ZSCAN5A: variants seen among roughly 807,000 people sequenced by gnomAD.
The protein encoded by ZSCAN5A is zinc finger and SCAN domain-containing protein 5A.
In ZSCAN5A, 12 loss-of-function variants were observed where a neutral mutation model predicts 23.7. The ratio of observed to expected loss-of-function variants is 0.51; its 90% CI spans 0.32 to 0.82. ZSCAN5A has a LOEUF of 0.82. ZSCAN5A is among the 40% of genes least tolerant of loss of function. The pLI, the probability that ZSCAN5A is intolerant of heterozygous loss-of-function variation, is 0.03. For missense variants in ZSCAN5A, 597 were observed against 617.9 expected (o/e 0.97, Z 0.36); for synonymous variants, 257 against 239.9 (o/e 1.07, Z -0.66).
intron 2 of ZSCAN5A, among the ~76,000 whole-genome samples, chr19:56,271,441 T>C (rs2146957281): frequency 6.6e-6 from 1 of 152,358 alleles, no homozygotes; most frequent in South Asian, 2.1e-4. Flanking sequence ...TCCACATGTT[T>C]TACGCCTTGT....
intron 2 of ZSCAN5A, among the ~76,000 whole-genome samples, chr19:56,308,486 G>C (rs1305689770): frequency 2.6e-5 from 4 of 151,826 alleles, no homozygotes; most frequent in Admixed American, 2.6e-4. Flanking sequence ...ACCACACCTG[G>C]CTAATTTTTG....
chr19:56,257,804 C>T (rs948699802), intron 2 of ZSCAN5A, among the ~76,000 whole-genome samples: 1 of 141,690 alleles, frequency 7.1e-6, no homozygotes, highest in African/African-American at 2.7e-5. Flanking sequence ...ACACCTGGCT[C>T]CTGCCTCCCA....
intron 2 of ZSCAN5A, among the ~76,000 whole-genome samples, chr19:56,257,970 ATCT>A (rs1413596500): frequency 8.7e-6 from 1 of 114,948 alleles, no homozygotes; most frequent in East Asian, 2.5e-4. Flanking sequence ...CCACTGCCCG[ATCT>A]TCTTAGACAC....
At chr19:56,229,415 C>G (rs1284739310) in intron 2 of ZSCAN5A, among the ~76,000 whole-genome samples, 2 of 152,132 alleles carry the variant, frequency 1.3e-5, no homozygotes, top group African/African-American at 4.8e-5. Context: ...TTCATTTTGC[C>G]AAGAAATTGT....
chr19:56,314,961 C>A (rs200202517), upstream of ZSCAN5A: 3 of 152,292 alleles, frequency 2.0e-5, no homozygotes, highest in East Asian at 5.8e-4. Context: ...CCTGCTCCTT[C>A]ACTCCTGCTT....
intron 2 of ZSCAN5A, among the ~76,000 whole-genome samples, chr19:56,309,598 CT>C (rs1254105508): frequency 1.3e-5 from 2 of 152,232 alleles, no homozygotes; most frequent in East Asian, 1.9e-4. Context: ...GGAAGTACCC[CT>C]GATCCATCCC....
intron 2 of ZSCAN5A, among the ~76,000 whole-genome samples, chr19:56,354,143 TA>T (rs968536714): frequency 4.6e-5 from 7 of 152,284 alleles, no homozygotes; most frequent in African/African-American, 1.7e-4. Context: ...GGGAAGAGAA[TA>T]AAAAGAGTTG....
intron 2 of ZSCAN5A, among the ~76,000 whole-genome samples, chr19:56,337,300 G>C (rs546334441): frequency 6.6e-6 from 1 of 152,312 alleles, no homozygotes; most frequent in South Asian, 2.1e-4. Context: ...CCCTCCCCCA[G>C]CCTCACTGCT....
rs142136002 is a variant in ZSCAN5A, at chr19:56,258,995, G to A, written c.-127-33822C>T. Reference sequence around the variant, plus strand: ...GCATGAGAAGAGAGAGCTGGTGGGTGGGCCCCAGCTGTTTCAGTCACCTGG... The same window carrying A: ...GCATGAGAAGAGAGAGCTGGTGGGTAGGCCCCAGCTGTTTCAGTCACCTGG... On this transcript the variant is annotated intron_variant, in intron 2 of 5. Transcript: ENST00000683990. Among the ~76,000 whole-genome samples the A allele has an allele frequency of 1.0e-3, 153 of 152,198 alleles. 1 individual carries two copies. The East Asian group carries it at 0.02, about 19-fold the overall frequency.
chr19:56,305,186 A>T (rs562646234), intron 2 of ZSCAN5A, among the ~76,000 whole-genome samples: 6 of 152,298 alleles, frequency 3.9e-5, no homozygotes, highest in African/African-American at 1.4e-4. Flanking sequence ...GGCCATCACC[A>T]CTAATCTGTT....
rs115238818 is a variant in ZSCAN5A at position 56,352,548 on chromosome 19, C to T, written c.-358+10687G>A. ...TGGGTAAATGGTGAGGAAGAATATT[C>T]AAGACAATTGCAACAGGGGAGAGAG... On this transcript the variant is annotated intron_variant, in intron 2 of 6. Coordinates refer to the ZSCAN5A transcript ENST00000587340. The surrounding 1 kb of genome is among the most constrained non-coding windows in gnomAD (Gnocchi z 4.2). Among the ~76,000 whole-genome samples the T allele has an allele frequency of 0.011, 1,750 of 152,260 alleles. 28 individuals are homozygous for T. The highest frequency in any genetic ancestry group is 0.04 in the African/African-American group (1,656 of 41,540).
chr19:56,278,155 T>G (rs2038407923), intron 2 of ZSCAN5A, among the ~76,000 whole-genome samples: 1 of 151,988 alleles, frequency 6.6e-6, no homozygotes, highest in Non-Finnish European at 1.5e-5. Context: ...GTAGTCTTGC[T>G]CTGTCGCCCA....
At chr19:56,228,714 GAC>G (rs1449627190) in intron 2 of ZSCAN5A, among the ~76,000 whole-genome samples, 3 of 152,038 alleles carry the variant, frequency 2.0e-5, no homozygotes, top group Non-Finnish European at 1.5e-5. Flanking sequence ...GAAAAAAAGA[GAC>G]AGTCTTTGTT....
At chr19:56,225,876 C>T (rs2033884822) in intron 2 of ZSCAN5A, among the ~76,000 whole-genome samples, 1 of 148,822 alleles carries the variant, frequency 6.7e-6, no homozygotes, top group South Asian at 2.2e-4. Context: ...CAGCCCCTAG[C>T]AATCACTAAT....
rs199788303 is a variant in ZSCAN5A, at chr19:56,275,980, C to T, written c.-128+37303G>A. 4.7e-4 allele frequency among the ~76,000 whole-genome samples: 71 copies of T among 152,288 alleles called. 1 individual carries two copies. Among genetic ancestry groups the T allele is most frequent in the African/African-American group, 1.6e-3 (67 of 41,556 alleles). ...GAGTGGGTCAGCTGATCTCCAGGGACACTTCTATCTCTGGTCTTCTTGGTT... is the reference window on the plus strand; with the variant it reads ...GAGTGGGTCAGCTGATCTCCAGGGATACTTCTATCTCTGGTCTTCTTGGTT... On this transcript the variant is annotated intron_variant, in intron 2 of 5. Transcript: ENST00000683990.
rs763109321 is a variant in ZSCAN5A at position 56,221,612 on chromosome 19, C to T, written c.1454G>A (p.Arg485His). 8 of 1,609,632 alleles carry T rather than the reference C, an allele frequency of 5.0e-6. No individual in the cohort carries two copies. The highest frequency in any genetic ancestry group is 6.8e-6 in the Non-Finnish European group (8 of 1,177,890). Reference protein sequence around the residue: ...RAFSRLKLLRRHQKTHPEATS... With the variant: ...RAFSRLKLLRHHQKTHPEATS... ...AGCTTCTGGATGTGTTTTCTGGTGG[C>T]GTCTTAACAATTTCAGCCGACTGAA... Residue 485 changes from arginine (R) to histidine (H), a missense_variant, in exon 6 of 6, where the codon CGC becomes CAC. Physicochemically the swap from Arg to His is conservative, Grantham distance 29. Coordinates refer to ENST00000683990, the MANE Select transcript of ZSCAN5A (RefSeq NM_001322064.3).
chr19:56,330,929 T>C (rs979091070), intron 2 of ZSCAN5A, among the ~76,000 whole-genome samples: 1 of 152,204 alleles, frequency 6.6e-6, no homozygotes, highest in Non-Finnish European at 1.5e-5. Flanking sequence ...TAGACATCTC[T>C]TAGATTGAGG....
intron 2 of ZSCAN5A, among the ~76,000 whole-genome samples, chr19:56,238,612 G>A (rs923573652): frequency 1.3e-5 from 2 of 151,688 alleles, no homozygotes; most frequent in African/African-American, 2.4e-5. Context: ...CCCAGCCAAG[G>A]TGAGTGAGAC....
chr19:56,338,176 G>A (rs2041559063), intron 2 of ZSCAN5A: 1 of 151,984 alleles, frequency 6.6e-6, no homozygotes, highest in South Asian at 2.1e-4. Flanking sequence ...GAAACAAGTT[G>A]TTTAATATTT....
Sources: gnomAD v4.1 joint callset for allele counts (sites outside exome capture counted in the v4.1 genomes callset) on GRCh38, gnomAD v4.1.1 for gene constraint, Gnocchi (gnomAD v3.1) non-coding constraint, MANE v1.5 for transcripts, NCBI Gene and HGNC (gene_info 2026-07-23, HGNC 2026-07-21) for gene names.